Variants in MAP3K5 observed in about 807,000 individuals in gnomAD.
MAP3K5 encodes mitogen-activated protein kinase kinase kinase 5.
In MAP3K5, 56 loss-of-function variants were observed where a neutral mutation model predicts 158.7. The observed-to-expected ratio is 0.35, with a 90% CI of 0.28 to 0.44. The LOEUF is 0.44. MAP3K5 is among the 20% of genes least tolerant of loss of function. The pLI, the probability that MAP3K5 is intolerant of heterozygous loss-of-function variation, is 1.00. For missense variants in MAP3K5, 1,294 were observed against 1,674.8 expected, an observed-to-expected ratio of 0.77 and a Z score of 3.97; for synonymous variants, 579 against 601.7, an observed-to-expected ratio of 0.96 and a Z score of 0.55.
chr6:136,634,463 T>C (rs1777519650), intron 14 of MAP3K5, among the ~76,000 whole-genome samples: 1 of 152,202 alleles, frequency 6.6e-6, no homozygotes, highest in Non-Finnish European at 1.5e-5. Flanking sequence ...GCTTGAATTC[T>C]TCCTACAGGC....
intron 27 of MAP3K5, among the ~76,000 whole-genome samples, 167 bp from the exon 28 acceptor site, chr6:136,561,812 C>T (rs1175402642): frequency 2.0e-5 from 3 of 152,136 alleles, no homozygotes; most frequent in African/African-American, 7.2e-5. Context: ...ATGAATAAAA[C>T]TCAGAGAAGT....
At chr6:136,719,307 T>C (rs1196755715) in intron 2 of MAP3K5, among the ~76,000 whole-genome samples, 1 of 152,164 alleles carries the variant, frequency 6.6e-6, no homozygotes, top group Non-Finnish European at 1.5e-5. Flanking sequence ...TAATTAAAAA[T>C]GAGTTACAAC....
chr6:136,681,913 T>C (rs113049772), intron 7 of MAP3K5, among the ~76,000 whole-genome samples: 24 of 152,094 alleles, frequency 1.6e-4, no homozygotes, highest in African/African-American at 5.1e-4. Flanking sequence ...AGCAAGACTC[T>C]GTTTTAAAAA....
At chr6:136,610,275 C>T (rs868675220) in intron 18 of MAP3K5, among the ~76,000 whole-genome samples, 6 of 152,018 alleles carry the variant, frequency 3.9e-5, no homozygotes, top group African/African-American at 1.5e-4. Flanking sequence ...GTTGGGCAGT[C>T]ATGAATCTCT....
intron 9 of MAP3K5, among the ~76,000 whole-genome samples, chr6:136,658,615 C>T (rs1432288632): frequency 6.6e-6 from 1 of 152,098 alleles, no homozygotes; most frequent in Non-Finnish European, 1.5e-5. Context: ...TGCGCCCGGC[C>T]AACACTGTTT....
rs187021771 is a variant in MAP3K5 at position 136,624,985 on chromosome 6, G to A, written c.2017-2004C>T. Among the ~76,000 whole-genome samples the A allele has an allele frequency of 4.5e-4, 69 of 152,304 alleles. No individual in the cohort carries two copies. The Middle Eastern group carries it at 0.01, about 23-fold the overall frequency. ...AAATAAAACAGACATACTTTTAAATGTCTAGCTGGGCTTACTAAAGAGTAA... is the reference window on the plus strand; with the variant it reads ...AAATAAAACAGACATACTTTTAAATATCTAGCTGGGCTTACTAAAGAGTAA... On this transcript the variant is annotated intron_variant, in intron 14 of 29. Transcript: ENST00000359015.
intron 25 of MAP3K5, among the ~76,000 whole-genome samples, chr6:136,573,519 T>C (rs373803897): frequency 2.4e-4 from 36 of 152,334 alleles, no homozygotes; most frequent in African/African-American, 8.2e-4. Flanking sequence ...AACACATACA[T>C]GTAGTAAGAG....
chr6:136,642,694 G>A, intron 11 of MAP3K5, 125 bp from the exon 12 acceptor site: 1 of 675,356 alleles, frequency 1.5e-6, no homozygotes, highest in Non-Finnish European at 2.6e-6. Context: ...TATTTTTCAT[G>A]AAAGAATTAT....
intron 14 of MAP3K5, among the ~76,000 whole-genome samples, chr6:136,623,898 A>C (rs1776918088): frequency 6.6e-6 from 1 of 152,226 alleles, no homozygotes; most frequent in African/African-American, 2.4e-5. Flanking sequence ...GGCCATTAAA[A>C]AAAATTATTT....
chr6:136,737,035 G>GTATATATATATATATATATATA (rs1452375249), intron 1 of MAP3K5, among the ~76,000 whole-genome samples: 9 of 118,716 alleles, frequency 7.6e-5, no homozygotes, highest in Non-Finnish European at 1.2e-4. Context: ...ATATATGTGT[G>GTATATATATATATATATATATA]TGTATATATA....
intron 7 of MAP3K5, among the ~76,000 whole-genome samples, chr6:136,692,713 T>C (rs1018542377): frequency 5.9e-5 from 9 of 152,228 alleles, no homozygotes; most frequent in Non-Finnish European, 8.8e-5. Flanking sequence ...TCTTATCTTT[T>C]ATGGTATATG....
intron 2 of MAP3K5, 138 bp downstream of exon 2, chr6:136,720,312 T>C: frequency 1.5e-6 from 1 of 687,070 alleles, no homozygotes; most frequent in Non-Finnish European, 2.2e-6. Context: ...CCTCCCAATT[T>C]GACAAGTAAT....
At chr6:136,632,100 G>A (rs1432354058) in intron 14 of MAP3K5, among the ~76,000 whole-genome samples, 4 of 152,146 alleles carry the variant, frequency 2.6e-5, no homozygotes, top group African/African-American at 7.2e-5. Flanking sequence ...CCCAGAGGCC[G>A]GAGAAGCATG....
chr6:136,712,794 G>A (rs774315404), intron 2 of MAP3K5, among the ~76,000 whole-genome samples: 6 of 152,110 alleles, frequency 3.9e-5, no homozygotes, highest in Non-Finnish European at 7.4e-5. Flanking sequence ...TACTGTTCTC[G>A]TGGTAGTGAA....
chr6:136,639,275 T>C (rs746871899), intron 13 of MAP3K5, among the ~76,000 whole-genome samples: 21 of 152,280 alleles, frequency 1.4e-4, no homozygotes, highest in Non-Finnish European at 3.1e-4. Flanking sequence ...ATATGAGTTA[T>C]AATATTTAAC....
chr6:136,792,494 G>A, upstream of MAP3K5: 1 of 611,048 alleles, frequency 1.6e-6, no homozygotes, highest in Non-Finnish European at 2.0e-6. This position sits in a 1 kb window ranked among gnomAD's most constrained non-coding sequence, Gnocchi z 5.7. Context: ...CTGCGCCGCG[G>A]TGCAGCTCAA....
intron 1 of MAP3K5, among the ~76,000 whole-genome samples, chr6:136,789,435 C>G (rs750144598): frequency 2.5e-4 from 38 of 152,128 alleles, no homozygotes; most frequent in Non-Finnish European, 4.4e-4. Flanking sequence ...TCATGCCATC[C>G]AGATGGGCAG....
intron 12 of MAP3K5, 84 bp from the exon 13 acceptor site, chr6:136,639,722 T>A (rs1777830008): frequency 1.5e-6 from 1 of 664,256 alleles, no homozygotes; most frequent in Non-Finnish European, 2.6e-6. Context: ...TGTTTTAAAT[T>A]CAATCCCATT....
intron 1 of MAP3K5, among the ~76,000 whole-genome samples, chr6:136,772,197 G>A (rs550953389): frequency 6.0e-5 from 9 of 151,240 alleles, no homozygotes; most frequent in African/African-American, 9.8e-5. Context: ...GATTACAGGC[G>A]TGAGCCACCA....
Sources: allele counts gnomAD v4.1 joint callset (sites outside exome capture counted in the v4.1 genomes callset), GRCh38; gene constraint gnomAD v4.1.1; non-coding constraint Gnocchi (gnomAD v3.1); transcripts MANE v1.5; gene names NCBI Gene and HGNC (gene_info 2026-07-23, HGNC 2026-07-21).